The following SORCS3 variants were observed in gnomAD, a reference collection of about 807,000 sequenced individuals.
SORCS3 encodes the protein VPS10 domain-containing receptor SorCS3.
In SORCS3, 57 loss-of-function variants were observed where a neutral mutation model predicts 146.3. The ratio of observed to expected loss-of-function variants is 0.39; its 90% CI spans 0.31 to 0.49. The LOEUF (loss-of-function observed/expected upper bound fraction) is 0.49. SORCS3 is among the 20% of genes least tolerant of loss of function. The pLI is 0.92. For synonymous variants in SORCS3, 653 were observed against 618.5 expected, an observed-to-expected ratio of 1.06 and a Z score of -0.83; for missense variants, 1,341 against 1,575.5, an observed-to-expected ratio of 0.85 and a Z score of 2.52.
intron 20 of SORCS3, among the ~76,000 whole-genome samples, chr10:105,242,460 T>TTATATATTTATATATTTATATATTTA (rs1564793436): frequency 2.0e-4 from 16 of 81,992 alleles, no homozygotes; most frequent in African/African-American, 8.0e-4. Flanking sequence ...TTATATATAT[T>TTATATATTTATATATTTATATATTTA]TATATATTTA....
intron 1 of SORCS3, among the ~76,000 whole-genome samples, chr10:104,731,823 G>A (rs959465553): frequency 6.6e-6 from 1 of 152,176 alleles, no homozygotes; most frequent in African/African-American, 2.4e-5. Context: ...GACAAATGAA[G>A]GGAGGAACAT....
At chr10:105,054,393 A>G (rs12240837) in intron 5 of SORCS3, among the ~76,000 whole-genome samples, 1 of 151,704 alleles carries the variant, frequency 6.6e-6, no homozygotes, top group African/African-American at 2.4e-5. Context: ...AATCATATAT[A>G]TTAGATATTA....
At chr10:104,768,718 C>T (rs1018984011) in intron 1 of SORCS3, among the ~76,000 whole-genome samples, 4 of 152,178 alleles carry the variant, frequency 2.6e-5, no homozygotes, top group Middle Eastern at 3.2e-3. Context: ...AGAAGCTTCA[C>T]AAGTCAGAGG....
At position 105,178,155 on chromosome 10, in the gene SORCS3, T is replaced by C. The variant is rs1186165746; in HGVS notation, c.1991T>C (p.Met664Thr). Residue 664 changes from methionine (M) to threonine (T), a missense_variant, in exon 14 of 27, where the codon ATG (methionine) becomes ACG (threonine). Coordinates refer to ENST00000369701, the MANE Select transcript of SORCS3 (RefSeq NM_014978.3). ...GACGGGGCTCTGGTGGAGGCAGGAATGGAGACCCACATCATGACGTGAGTA... is the reference window on the plus strand; with the variant it reads ...GACGGGGCTCTGGTGGAGGCAGGAACGGAGACCCACATCATGACGTGAGTA... ...FVDGALVEAG[M>T]ETHIMTVFGH... 1.2e-6 allele frequency: 2 copies of C among 1,612,986 alleles called. No individual in the cohort carries two copies. The highest frequency in any genetic ancestry group is 2.2e-5 in the South Asian group (2 of 90,958).
At chr10:104,762,051 G>T (rs111294388) in intron 1 of SORCS3, among the ~76,000 whole-genome samples, 2 of 152,144 alleles carry the variant, frequency 1.3e-5, no homozygotes, top group Admixed American at 6.5e-5. Flanking sequence ...TCTTAAGCAC[G>T]TGCAGTCCCC....
chr10:105,025,738 G>A (rs1214230662), intron 4 of SORCS3, among the ~76,000 whole-genome samples: 1 of 151,692 alleles, frequency 6.6e-6, no homozygotes, highest in Non-Finnish European at 1.5e-5. Context: ...TTTTGTTTCT[G>A]CCTTATCCCC....
chr10:104,746,425 C>T (rs934593728), intron 1 of SORCS3, among the ~76,000 whole-genome samples: 16 of 152,280 alleles, frequency 1.1e-4, no homozygotes, highest in Admixed American at 3.9e-4. Flanking sequence ...CGTGAGCCAC[C>T]GCACCAGCGA....
At chr10:105,148,051 G>T (rs2056144189) in intron 9 of SORCS3, among the ~76,000 whole-genome samples, 1 of 152,072 alleles carries the variant, frequency 6.6e-6, no homozygotes, top group Non-Finnish European at 1.5e-5. Flanking sequence ...AACAAAGTTA[G>T]TATTCTTGTA....
intron 22 of SORCS3, 64 bp from the exon 23 acceptor site, chr10:105,252,711 C>T (rs2056908062): frequency 6.2e-7 from 1 of 1,606,552 alleles, no homozygotes; most frequent in African/African-American, 1.3e-5. Context: ...ACACTCTGCT[C>T]TTGTCATTGA....
intron 1 of SORCS3, among the ~76,000 whole-genome samples, chr10:104,825,629 C>T (rs2017926198): frequency 1.3e-5 from 2 of 152,258 alleles, no homozygotes; most frequent in Admixed American, 1.3e-4. Context: ...TGAGCTCAGA[C>T]TCCTACCTAA....
intron 2 of SORCS3, among the ~76,000 whole-genome samples, chr10:104,913,284 A>T (rs2018989011): frequency 6.6e-6 from 1 of 152,180 alleles, no homozygotes; most frequent in Admixed American, 6.5e-5. Context: ...TCGTTGAAAC[A>T]TGATGATGTA....
chr10:105,221,154 G>A (rs1052969823), intron 19 of SORCS3, among the ~76,000 whole-genome samples: 9 of 152,266 alleles, frequency 5.9e-5, no homozygotes, highest in Middle Eastern at 3.4e-3. Context: ...ATACAGGTAT[G>A]CAATGTGAAA....
chr10:105,087,332 T>G (rs2055669228), intron 5 of SORCS3, among the ~76,000 whole-genome samples: 1 of 152,192 alleles, frequency 6.6e-6, no homozygotes, highest in African/African-American at 2.4e-5. Context: ...TACTGTAGCC[T>G]TGTAGTATGG....
At chr10:104,983,915 A>T (rs1460755735) in intron 4 of SORCS3, among the ~76,000 whole-genome samples, 1 of 152,018 alleles carries the variant, frequency 6.6e-6, no homozygotes. Flanking sequence ...TAAAAATGGG[A>T]TTTTAACATA....
At chr10:104,845,164 G>A (rs1227144190) in intron 2 of SORCS3, among the ~76,000 whole-genome samples, 1 of 152,110 alleles carries the variant, frequency 6.6e-6, no homozygotes, top group Non-Finnish European at 1.5e-5. Flanking sequence ...ACCTAATCAT[G>A]AGGTCCTTCC....
chr10:104,823,647 G>A (rs1279762809), intron 1 of SORCS3, among the ~76,000 whole-genome samples: 1 of 152,114 alleles, frequency 6.6e-6, no homozygotes, highest in African/African-American at 2.4e-5. Context: ...ACTTATTCAA[G>A]CTCATTAGAC....
rs528109191 is a variant in SORCS3, at chr10:104,652,868, C to T, written c.627+10914C>T. Among the ~76,000 whole-genome samples the T allele has an allele frequency of 4.6e-5, 7 of 152,286 alleles. No individual in the cohort carries two copies. The East Asian group carries it at 1.3e-3, about 29-fold the overall frequency. On this transcript the variant is annotated intron_variant, in intron 1 of 26. Coordinates refer to ENST00000369701, the MANE Select transcript of SORCS3 (RefSeq NM_014978.3). ...CATGTGCAAAAAAATCTATGTGATG[C>T]AGACTGGACACCCAAGAAAACTTAC...
Position 105,164,325 on chromosome 10 carries a change from A to G in SORCS3, c.1755A>G (p.Ser585=), listed in dbSNP as rs1055793641. Residue 585 remains serine (S), a synonymous_variant, in exon 12 of 27, where the codon TCA becomes TCG. Transcript: ENST00000369701. ...CAGGCAACATTGGCCCGGAGCTCTC[A>G]TATACTGATATTGGTGTGTTCATCT... ...VATGNIGPEL[S]YTDIGVFISS... is the part of the protein sequence containing the mutation. 6.2e-7 allele frequency: 1 copy of G among 1,613,680 alleles called. No individual in the cohort carries two copies.
intron 2 of SORCS3, among the ~76,000 whole-genome samples, chr10:104,906,420 T>C (rs373310190): frequency 1.3e-5 from 2 of 152,352 alleles, no homozygotes; most frequent in South Asian, 4.1e-4. Flanking sequence ...TATGTAGCTA[T>C]AACACAGCTG....
Sources: gnomAD v4.1 joint callset for allele counts (sites outside exome capture counted in the v4.1 genomes callset) on GRCh38, gnomAD v4.1.1 for gene constraint, MANE v1.5 for transcripts, NCBI Gene and HGNC (gene_info 2026-07-23, HGNC 2026-07-21) for gene names.